Variants in FYB2 observed in about 807,000 individuals in gnomAD.
FYB2 encodes FYN binding protein 2.
FYB2 carries 103 observed loss-of-function variants against 94.1 expected under a neutral mutation model. The observed-to-expected ratio is 1.09, with a 90% CI of 0.93 to 1.29. The LOEUF (loss-of-function observed/expected upper bound fraction) is 1.29. Ranked by LOEUF, FYB2 falls within the 50% of genes most tolerant of loss-of-function variation. The pLI, the probability that FYB2 is intolerant of heterozygous loss-of-function variation, is 0.00. For synonymous variants in FYB2, 293 were observed against 287.9 expected (o/e 1.02, Z -0.18); for missense variants, 896 against 841.5 (o/e 1.06, Z -0.80).
At chr1:56,749,578 C>T (rs1418441) in intron 9 of FYB2, among the ~76,000 whole-genome samples, 14,185 of 151,498 alleles carry the variant, frequency 0.094, 827 homozygotes, top group East Asian at 0.23. Context: ...TTCATATTAT[C>T]CTCTATTTTA....
rs1254476953 is a variant in FYB2, at chr1:56,792,387, G to C, written c.426C>G (p.Asn142Lys). 1 of 1,614,124 alleles carries C rather than the reference G, an allele frequency of 6.2e-7. No homozygotes were observed. Among genetic ancestry groups the C allele is most frequent in the East Asian group, 2.2e-5 (1 of 44,866 alleles). ...VANSFRNKLWNWEKVSSQKSE... is the reference protein window; with the variant it reads ...VANSFRNKLWKWEKVSSQKSE... ...TTTTCTGAGATGAAACCTTCTCCCAGTTCCAGAGTTTGTTTCTGAAGCTAT... is the reference window on the plus strand; with the variant it reads ...TTTTCTGAGATGAAACCTTCTCCCACTTCCAGAGTTTGTTTCTGAAGCTAT... Residue 142 changes from asparagine to lysine, a missense_variant, in exon 2 of 20, where the codon AAC becomes AAG. Asn to Lys is a moderately conservative substitution (Grantham distance 94, BLOSUM62 0). Coordinates refer to ENST00000343433, the MANE Select transcript of FYB2 (RefSeq NM_001004303.5).
intron 4 of FYB2, among the ~76,000 whole-genome samples, chr1:56,778,501 CTT>C (rs1432877838): frequency 6.6e-6 from 1 of 152,236 alleles, no homozygotes; most frequent in Admixed American, 6.5e-5. Context: ...ACTGGGAACT[CTT>C]TGACAGGTAG....
chr1:56,820,104 G>C (rs750570605), upstream of FYB2, among the ~76,000 whole-genome samples: 1 of 151,984 alleles, frequency 6.6e-6, no homozygotes, highest in Admixed American at 6.6e-5. Context: ...GGTAGTGGGT[G>C]CCTGTAATCC....
chr1:56,723,185 GATTA>G (rs1181629086), intron 17 of FYB2, among the ~76,000 whole-genome samples: 3 of 151,256 alleles, frequency 2.0e-5, no homozygotes, highest in South Asian at 4.2e-4. Context: ...GGACTCAAGA[GATTA>G]ATTAAAGATT....
At chr1:56,820,090 G>T (rs746300507), upstream of FYB2, among the ~76,000 whole-genome samples, 10 of 152,060 alleles carry the variant, frequency 6.6e-5, no homozygotes, top group African/African-American at 9.7e-5. Flanking sequence ...AATTAGCCAG[G>T]TGTGGTAGTG....
chr1:56,808,695 G>T (rs1251186470), intron 1 of FYB2, among the ~76,000 whole-genome samples: 1 of 152,158 alleles, frequency 6.6e-6, no homozygotes, highest in African/African-American at 2.4e-5. Context: ...TGCACTGCTA[G>T]CTTTAAAGAG....
At chr1:56,798,107 G>A (rs562952936) in intron 1 of FYB2, among the ~76,000 whole-genome samples, 2 of 152,330 alleles carry the variant, frequency 1.3e-5, no homozygotes, top group South Asian at 4.1e-4. Context: ...GAATGAATGA[G>A]TCAGTGAATA....
intron 4 of FYB2, among the ~76,000 whole-genome samples, chr1:56,772,615 C>A (rs1645784756): frequency 1.3e-5 from 2 of 152,216 alleles, no homozygotes; most frequent in South Asian, 4.1e-4. Context: ...ATAGACACTA[C>A]TGGGAGGCAG....
chr1:56,800,389 A>T (rs1646491900), intron 1 of FYB2, among the ~76,000 whole-genome samples: 1 of 152,206 alleles, frequency 6.6e-6, no homozygotes, highest in South Asian at 2.1e-4. Flanking sequence ...GGATAGGAAC[A>T]ACAGAACTGA....
chr1:56,793,071 AAG>A (rs1646311512), intron 1 of FYB2, among the ~76,000 whole-genome samples: 1 of 152,094 alleles, frequency 6.6e-6, no homozygotes, highest in Non-Finnish European at 1.5e-5. Context: ...ACAGCACATA[AAG>A]AACACCTATA....
intron 1 of FYB2, among the ~76,000 whole-genome samples, chr1:56,800,334 T>C (rs751676953): frequency 6.6e-6 from 1 of 152,156 alleles, no homozygotes; most frequent in Non-Finnish European, 1.5e-5. Context: ...ATAATAATGG[T>C]GAAACTGTCT....
At chr1:56,735,519 G>A (rs1340366568) in intron 15 of FYB2, among the ~76,000 whole-genome samples, 1 of 152,052 alleles carries the variant, frequency 6.6e-6, no homozygotes, top group Admixed American at 6.6e-5. Context: ...TGAGGAATAT[G>A]TTCTAGTGTT....
chr1:56,803,252 T>C (rs1313231529), intron 1 of FYB2, among the ~76,000 whole-genome samples: 3 of 152,212 alleles, frequency 2.0e-5, no homozygotes, highest in African/African-American at 7.2e-5. Flanking sequence ...GTTCATATAA[T>C]GCAAGATAAA....
chr1:56,727,817 T>G (rs1644615627), intron 15 of FYB2, among the ~76,000 whole-genome samples: 1 of 152,104 alleles, frequency 6.6e-6, no homozygotes, highest in Admixed American at 6.6e-5. Flanking sequence ...CTTTACAACT[T>G]TTTGTTTTCT....
chr1:56,806,388 G>A (rs534582938), intron 1 of FYB2, among the ~76,000 whole-genome samples: 7 of 152,194 alleles, frequency 4.6e-5, no homozygotes, highest in Admixed American at 4.6e-4. Context: ...AATGGTAGAG[G>A]AGATGGCATT....
intron 6 of FYB2, among the ~76,000 whole-genome samples, chr1:56,757,565 TAACCAC>T (rs1205355116): frequency 6.6e-6 from 1 of 152,094 alleles, no homozygotes; most frequent in African/African-American, 2.4e-5. Flanking sequence ...GCAGATACAG[TAACCAC>T]AAGACATATG....
chr1:56,784,542 T>C (rs890724446), intron 4 of FYB2, among the ~76,000 whole-genome samples: 2 of 152,206 alleles, frequency 1.3e-5, no homozygotes, highest in African/African-American at 4.8e-5. Flanking sequence ...AACTCACTTA[T>C]CATTGGCAAG....
chr1:56,800,517 C>A (rs1646496008), intron 1 of FYB2, among the ~76,000 whole-genome samples: 1 of 152,078 alleles, frequency 6.6e-6, no homozygotes, highest in Admixed American at 6.6e-5. Context: ...AATAATTGCA[C>A]CCCCATTATC....
At chr1:56,788,770 G>C in intron 3 of FYB2, 1 of 630,602 alleles carries the variant, frequency 1.6e-6, no homozygotes. Flanking sequence ...CAGGGGAAGT[G>C]GGCTGGTCTA....
Sources: gnomAD v4.1 joint callset for allele counts (sites outside exome capture counted in the v4.1 genomes callset) on GRCh38, gnomAD v4.1.1 for gene constraint, MANE v1.5 for transcripts, NCBI Gene and HGNC (gene_info 2026-07-23, HGNC 2026-07-21) for gene names.